Variants in BCAS1 observed in about 807,000 individuals in gnomAD.
BCAS1 encodes the protein brain enriched myelin associated protein 1, also known as breast carcinoma-amplified sequence 1.
BCAS1 carries 46 observed loss-of-function variants against 65.4 expected under a neutral mutation model. The ratio of observed to expected loss-of-function variants is 0.70; its 90% confidence interval spans 0.55 to 0.90. BCAS1 has a LOEUF of 0.90. BCAS1 is among the 40% of genes least tolerant of loss of function. The pLI is 0.00. For synonymous variants in BCAS1, 298 were observed against 293.5 expected, an observed-to-expected ratio of 1.02 and a Z score of -0.16; for missense variants, 793 against 771.2, an observed-to-expected ratio of 1.03 and a Z score of -0.33.
chr20:54,026,716 G>A (rs2091680277), intron 4 of BCAS1, among the ~76,000 whole-genome samples: 1 of 152,234 alleles, frequency 6.6e-6, no homozygotes, highest in Non-Finnish European at 1.5e-5. Flanking sequence ...GTAGTAAACA[G>A]TTTCTCCCAT....
chr20:54,015,071 T>C (rs924217486), intron 4 of BCAS1, among the ~76,000 whole-genome samples: 8 of 151,968 alleles, frequency 5.3e-5, no homozygotes, highest in African/African-American at 1.9e-4. Flanking sequence ...TTTGAGATGT[T>C]GCCCAGGCTG....
intron 10 of BCAS1, among the ~76,000 whole-genome samples, chr20:53,963,406 G>A (rs1396205974): frequency 1.3e-5 from 2 of 151,870 alleles, no homozygotes; most frequent in Non-Finnish European, 2.9e-5. Flanking sequence ...ACTTGAACTC[G>A]GGAGGCAGAG....
intron 4 of BCAS1, among the ~76,000 whole-genome samples, chr20:53,998,925 G>A (rs1289355752): frequency 2.0e-5 from 3 of 152,150 alleles, no homozygotes; most frequent in Non-Finnish European, 4.4e-5. Context: ...ACAATTAACA[G>A]TTTCAAACAA....
intron 2 of BCAS1, 71 bp downstream of exon 2, chr20:54,058,576 G>A: frequency 6.5e-7 from 1 of 1,529,560 alleles, no homozygotes; most frequent in Non-Finnish European, 8.7e-7. Flanking sequence ...CAACACACTT[G>A]TCAAATACAG....
At chr20:54,006,709 CAA>C (rs762645740) in intron 4 of BCAS1, among the ~76,000 whole-genome samples, 16,604 of 93,294 alleles carry the variant, frequency 0.18, 1,058 homozygotes, top group African/African-American at 0.24. Flanking sequence ...GACTCCATCT[CAA>C]AAAAAAAAAA....
Position 53,967,210 on chromosome 20 carries a change from G to A in BCAS1, c.1318-137C>T, listed in dbSNP as rs1034475938. Reference sequence around the variant, plus strand: ...TGAATCTATGACCATTTCTACACAGGCACATCTTGGAGAAGTAATGCTTAT... The same window carrying A: ...TGAATCTATGACCATTTCTACACAGACACATCTTGGAGAAGTAATGCTTAT... On this transcript the variant is annotated intron_variant, in intron 9 of 12. Transcript: ENST00000688948. 1.7e-5 allele frequency: 14 copies of A among 829,738 alleles called. No individual in the cohort carries two copies. The Admixed American group carries it at 3.9e-4, about 23-fold the overall frequency. The allele number at this position is 829,738 out of a possible 1,614,324, so 51.4% of individuals were successfully genotyped here.
At chr20:54,061,973 A>T (rs1261701006) in intron 1 of BCAS1, among the ~76,000 whole-genome samples, 2 of 152,228 alleles carry the variant, frequency 1.3e-5, no homozygotes, top group Non-Finnish European at 2.9e-5. Context: ...GTTGGAAAAA[A>T]ATTAGAAGAA....
At chr20:53,961,276 T>C (rs1461808905) in intron 10 of BCAS1, among the ~76,000 whole-genome samples, 4 of 152,224 alleles carry the variant, frequency 2.6e-5, no homozygotes, top group Non-Finnish European at 5.9e-5. Flanking sequence ...CAAACACAAT[T>C]GACATTTAAA....
chr20:54,015,279 C>G (rs1046139725), intron 4 of BCAS1, among the ~76,000 whole-genome samples: 2 of 151,858 alleles, frequency 1.3e-5, no homozygotes, highest in Non-Finnish European at 2.9e-5. Context: ...TGATCCACCC[C>G]CCTTGGCCTC....
intron 4 of BCAS1, among the ~76,000 whole-genome samples, chr20:53,998,847 C>T (rs963304425): frequency 3.3e-5 from 5 of 151,786 alleles, no homozygotes; most frequent in Non-Finnish European, 5.9e-5. Context: ...GCATGCAAAC[C>T]ACTATACAAA....
chr20:53,982,023 T>G (rs1600774137), intron 8 of BCAS1, among the ~76,000 whole-genome samples: 1 of 152,324 alleles, frequency 6.6e-6, no homozygotes, highest in South Asian at 2.1e-4. Context: ...ATATATTAGG[T>G]GCTTTATATG....
rs1002329619 is a variant in BCAS1 at position 53,980,169 on chromosome 20, A to G, written c.1276-4739T>C. On this transcript the variant is annotated intron_variant, in intron 8 of 12. Transcript: ENST00000688948. ...TTCTAGGTCATACTAACTTCAGCCCATTGTGCCGTTATTTTGAGATTCATA... is the reference window on the plus strand; with the variant it reads ...TTCTAGGTCATACTAACTTCAGCCCGTTGTGCCGTTATTTTGAGATTCATA... Among the ~76,000 whole-genome samples, 12 of 152,154 alleles carry G rather than the reference A, an allele frequency of 7.9e-5. 1 individual carries two copies. Among genetic ancestry groups the G allele is most frequent in the African/African-American group, 2.7e-4 (11 of 41,430 alleles).
chr20:53,960,766 T>C (rs572491358), intron 10 of BCAS1, among the ~76,000 whole-genome samples: 2 of 152,258 alleles, frequency 1.3e-5, no homozygotes, highest in Non-Finnish European at 2.9e-5. Context: ...TCTTTTTTCT[T>C]TGCAGAGACA....
At chr20:53,982,817 G>C (rs573728531) in intron 8 of BCAS1, among the ~76,000 whole-genome samples, 22 of 152,232 alleles carry the variant, frequency 1.4e-4, no homozygotes, top group South Asian at 6.2e-4. Flanking sequence ...TCAATGCCTA[G>C]TATTTAGCAC....
At chr20:54,049,615 A>G (rs575537576) in intron 3 of BCAS1, among the ~76,000 whole-genome samples, 2 of 151,314 alleles carry the variant, frequency 1.3e-5, no homozygotes, top group South Asian at 4.2e-4. Flanking sequence ...TATGTTGCCC[A>G]GGCTGAACTC....
intron 1 of BCAS1, among the ~76,000 whole-genome samples, chr20:54,059,745 A>C (rs2092353627): frequency 6.6e-6 from 1 of 152,174 alleles, no homozygotes; most frequent in Non-Finnish European, 1.5e-5. Context: ...CACATTGAAC[A>C]CTCTGGGAAA....
chr20:54,025,781 T>A (rs2091659861), intron 4 of BCAS1, among the ~76,000 whole-genome samples: 3 of 151,700 alleles, frequency 2.0e-5, no homozygotes, highest in Admixed American at 6.6e-5. Flanking sequence ...AGCCACTGAT[T>A]GAGAAGTTTT....
At chr20:53,962,653 A>C (rs1568816072) in intron 10 of BCAS1, among the ~76,000 whole-genome samples, 1 of 152,060 alleles carries the variant, frequency 6.6e-6, no homozygotes. Flanking sequence ...CAGCTGAATT[A>C]ATATGTATAA....
chr20:53,971,280 T>C (rs965476622), intron 9 of BCAS1, among the ~76,000 whole-genome samples: 7 of 152,214 alleles, frequency 4.6e-5, no homozygotes, highest in African/African-American at 1.7e-4. Flanking sequence ...CACTATTTTC[T>C]CTCTGCAACA....
Sources: gnomAD v4.1 joint callset for allele counts (sites outside exome capture counted in the v4.1 genomes callset) on GRCh38, gnomAD v4.1.1 for gene constraint, MANE v1.5 for transcripts, NCBI Gene and HGNC (gene_info 2026-07-23, HGNC 2026-07-21) for gene names.